Variants in TRERF1 observed in about 807,000 individuals in gnomAD.
The protein encoded by TRERF1 is transcriptional-regulating factor 1.
TRERF1 carries 27 observed loss-of-function variants against 122.9 expected under a neutral mutation model. That is an observed-to-expected ratio of 0.22 (90% CI 0.16 to 0.30). The LOEUF (loss-of-function observed/expected upper bound fraction) is 0.30. Ranked by LOEUF, TRERF1 falls within the 10% of genes least tolerant of loss-of-function variation. The pLI is 1.00. For synonymous variants in TRERF1, 636 were observed against 641.7 expected, an observed-to-expected ratio of 0.99 and a Z score of 0.13; for missense variants, 1,248 against 1,560.3, an observed-to-expected ratio of 0.80 and a Z score of 3.37.
chr6:42,311,793 G>C (rs1011697886), intron 3 of TRERF1, among the ~76,000 whole-genome samples: 3 of 144,768 alleles, frequency 2.1e-5, no homozygotes, highest in Non-Finnish European at 4.5e-5. Context: ...AAAAAAAAGA[G>C]ATCATGGAGG....
intron 15 of TRERF1, among the ~76,000 whole-genome samples, chr6:42,241,446 T>C (rs1471369329): frequency 1.3e-5 from 2 of 151,922 alleles, no homozygotes; most frequent in Non-Finnish European, 2.9e-5. Context: ...AAGCATAGGC[T>C]TTGAAGCATT....
At chr6:42,289,366 A>C (rs1783894640) in intron 4 of TRERF1, among the ~76,000 whole-genome samples, 1 of 151,876 alleles carries the variant, frequency 6.6e-6, no homozygotes, top group South Asian at 2.1e-4. Flanking sequence ...AACAAAAAAA[A>C]ACACAACCCA....
At chr6:42,371,410 G>A (rs1178661131) in intron 2 of TRERF1, among the ~76,000 whole-genome samples, 1 of 152,148 alleles carries the variant, frequency 6.6e-6, no homozygotes, top group African/African-American at 2.4e-5. Flanking sequence ...TAGGCCAACA[G>A]GAGTGGGTGG....
chr6:42,299,264 G>T (rs4714595), intron 4 of TRERF1, among the ~76,000 whole-genome samples: 2 of 151,492 alleles, frequency 1.3e-5, no homozygotes, highest in East Asian at 1.9e-4. Flanking sequence ...TAGCTAGCTG[G>T]GTAACCCCAG....
At chr6:42,427,053 C>G (rs1783725359) in intron 2 of TRERF1, among the ~76,000 whole-genome samples, 1 of 151,662 alleles carries the variant, frequency 6.6e-6, no homozygotes, top group Admixed American at 6.6e-5. Context: ...CTCAGCCTCC[C>G]AAAGTGCCTA....
At chr6:42,373,819 A>C (rs1774252003) in intron 2 of TRERF1, among the ~76,000 whole-genome samples, 1 of 132,892 alleles carries the variant, frequency 7.5e-6, no homozygotes, top group African/African-American at 3.1e-5. Flanking sequence ...CAACAAGAGC[A>C]AAAAAAAAAA....
At chr6:42,358,462 A>C (rs1175084449) in intron 3 of TRERF1, among the ~76,000 whole-genome samples, 1 of 152,246 alleles carries the variant, frequency 6.6e-6, no homozygotes, top group African/African-American at 2.4e-5. Flanking sequence ...ATTTCCCTAC[A>C]GTTGCACATT....
At chr6:42,236,611 G>A (rs892178213) in intron 15 of TRERF1, among the ~76,000 whole-genome samples, 200 bp from the exon 16 acceptor site, 2 of 152,146 alleles carry the variant, frequency 1.3e-5, no homozygotes, top group African/African-American at 2.4e-5. Context: ...GGACTTCGAG[G>A]TCAAGGAAGT....
At chr6:42,337,759 G>A (rs1377666112) in intron 3 of TRERF1, among the ~76,000 whole-genome samples, 2 of 152,282 alleles carry the variant, frequency 1.3e-5, no homozygotes, top group African/African-American at 4.8e-5. Flanking sequence ...TGGGAAAGCC[G>A]CAGATCAATG....
At chr6:42,245,023 C>T (rs1180761737) in intron 14 of TRERF1, among the ~76,000 whole-genome samples, 3 of 152,238 alleles carry the variant, frequency 2.0e-5, no homozygotes, top group Admixed American at 1.3e-4. Context: ...AAGTTGCCCC[C>T]TTCTCATCCC....
chr6:42,368,498 C>T (rs1160115048), intron 2 of TRERF1, among the ~76,000 whole-genome samples: 4 of 152,210 alleles, frequency 2.6e-5, no homozygotes, highest in African/African-American at 7.2e-5. Context: ...ACTCTAAACA[C>T]CTCCCACTCC....
chr6:42,257,258 G>T (rs943434078), intron 10 of TRERF1, among the ~76,000 whole-genome samples, 156 bp from the exon 11 acceptor site: 2 of 152,230 alleles, frequency 1.3e-5, no homozygotes, highest in Non-Finnish European at 2.9e-5. Context: ...TCCACACGTG[G>T]CCTTTTCACT....
chr6:42,421,911 T>C (rs768443738), intron 2 of TRERF1, among the ~76,000 whole-genome samples: 1 of 152,078 alleles, frequency 6.6e-6, no homozygotes, highest in Non-Finnish European at 1.5e-5. Flanking sequence ...CTCACGCCTG[T>C]AATCCCAGCA....
At chr6:42,284,111 A>G (rs1314890213) in intron 4 of TRERF1, among the ~76,000 whole-genome samples, 11 of 152,048 alleles carry the variant, frequency 7.2e-5, no homozygotes, top group Admixed American at 7.2e-4. Context: ...ATACTTTTTC[A>G]GTTTGGTTTC....
Position 42,356,868 on chromosome 6 carries a change from G to A in TRERF1, c.-371+6129C>T, listed in dbSNP as rs149827954. ...ATTACAGGTGTGAGCCATTGCGCCC[G>A]GCCCATAAATTTCTATTGTTTAAGC... On this transcript the variant is annotated intron_variant, in intron 3 of 17. Coordinates refer to ENST00000372922, the Ensembl canonical transcript of TRERF1. Among the ~76,000 whole-genome samples, 88 of 152,024 alleles carry A rather than the reference G, an allele frequency of 5.8e-4. No homozygotes were observed. The East Asian group carries it at 0.01, about 18-fold the overall frequency.
At chr6:42,246,565 C>A (rs1353704397) in intron 13 of TRERF1, 21 bp from the exon 14 acceptor site, 2 of 1,562,322 alleles carry the variant, frequency 1.3e-6, no homozygotes, top group Admixed American at 3.8e-5. Flanking sequence ...ACACAAACAT[C>A]ATAAGAACAG....
chr6:42,309,755 T>A (rs1459105736), intron 3 of TRERF1, among the ~76,000 whole-genome samples: 5 of 152,196 alleles, frequency 3.3e-5, no homozygotes, highest in African/African-American at 4.8e-5. Flanking sequence ...TAATTTAAAA[T>A]AAAATAAACT....
At chr6:42,445,251 G>A (rs1228453853) in intron 2 of TRERF1, among the ~76,000 whole-genome samples, 1 of 142,614 alleles carries the variant, frequency 7.0e-6, no homozygotes, top group Non-Finnish European at 1.5e-5. Flanking sequence ...CTGGACAACA[G>A]AGCAAGACTC....
At chr6:42,378,062 A>G (rs1042946775) in intron 2 of TRERF1, among the ~76,000 whole-genome samples, 1 of 152,142 alleles carries the variant, frequency 6.6e-6, no homozygotes, top group South Asian at 2.1e-4. Flanking sequence ...AGGGGGAAGA[A>G]TTTGGTGATC....
Sources: gnomAD v4.1 joint callset for allele counts (sites outside exome capture counted in the v4.1 genomes callset) on GRCh38, gnomAD v4.1.1 for gene constraint, MANE v1.5 for transcripts, NCBI Gene and HGNC (gene_info 2026-07-23, HGNC 2026-07-21) for gene names.